Variants in INVS observed in about 807,000 individuals in gnomAD.
INVS encodes the protein inversion of embryo turning homolog.
INVS carries 86 observed loss-of-function variants against 108.8 expected under a neutral mutation model. That is an observed-to-expected ratio of 0.79 (90% confidence interval 0.66 to 0.95). The LOEUF (loss-of-function observed/expected upper bound fraction) is 0.95, where lower values mean the gene tolerates loss of function less well. Ranked by LOEUF, INVS falls within the 40% of genes least tolerant of loss-of-function variation. INVS has a pLI of 0.00. For missense variants in INVS, 1,169 were observed against 1,297.4 expected, an observed-to-expected ratio of 0.90 and a Z score of 1.52; for synonymous variants, 455 against 473.5, an observed-to-expected ratio of 0.96 and a Z score of 0.51.
chr9:100,106,346 A>G (rs773003895), intron 2 of INVS, among the ~76,000 whole-genome samples: 4 of 151,968 alleles, frequency 2.6e-5, no homozygotes, highest in Admixed American at 6.6e-5. Context: ...TCTGATTACT[A>G]TATCTTCAAC....
chr9:100,203,661 C>T lies in INVS; in HGVS notation c.274-22401C>T, dbSNP rs559434891. ...GGGATTACAGGCATGCGCCACCATG[C>T]GTGGCTAATTTTTGTATTTTTAGTA... is the stretch of plus-strand genomic sequence containing the variant. On this transcript the variant is annotated intron_variant, in intron 3 of 16. Transcript: ENST00000262457. Among the ~76,000 whole-genome samples, 12 of 152,016 alleles carry T rather than the reference C, an allele frequency of 7.9e-5. No homozygotes were observed. The South Asian group carries it at 1.0e-3, about 13-fold the overall frequency.
chr9:100,215,198 G>A (rs762368806), intron 3 of INVS, among the ~76,000 whole-genome samples: 1 of 152,178 alleles, frequency 6.6e-6, no homozygotes, highest in East Asian at 1.9e-4. Flanking sequence ...ATGAATCCAG[G>A]TGGGTAAACC....
At chr9:100,218,391 G>A (rs59168360) in intron 3 of INVS, among the ~76,000 whole-genome samples, 3,041 of 152,236 alleles carry the variant, frequency 0.02, 89 homozygotes, top group African/African-American at 0.07. Flanking sequence ...GGCCACCGTA[G>A]GCAGTTTTAG....
intron 3 of INVS, among the ~76,000 whole-genome samples, chr9:100,162,188 T>G (rs1451410928): frequency 6.6e-6 from 1 of 152,192 alleles, no homozygotes; most frequent in Admixed American, 6.5e-5. Context: ...CCTGAAATAT[T>G]TCATATTTGC....
At chr9:100,186,189 AC>A (rs1830050396) in intron 3 of INVS, among the ~76,000 whole-genome samples, 1 of 151,892 alleles carries the variant, frequency 6.6e-6, no homozygotes, top group South Asian at 2.1e-4. Context: ...TCACTCCGTC[AC>A]CCAGGCTGGA....
intron 3 of INVS, among the ~76,000 whole-genome samples, chr9:100,205,532 T>C (rs1261498735): frequency 6.6e-6 from 1 of 152,088 alleles, no homozygotes; most frequent in Non-Finnish European, 1.5e-5. Context: ...GAATTATACT[T>C]GAAACAAGAG....
intron 2 of INVS, among the ~76,000 whole-genome samples, chr9:100,118,899 G>A (rs528651887): frequency 2.0e-5 from 3 of 152,178 alleles, no homozygotes; most frequent in Non-Finnish European, 4.4e-5. Context: ...GACCTCAGGT[G>A]ATCCACCCAC....
intron 3 of INVS, among the ~76,000 whole-genome samples, chr9:100,132,281 CAAAT>C (rs1828078014): frequency 1.3e-5 from 2 of 152,012 alleles, no homozygotes; most frequent in Admixed American, 6.6e-5. Context: ...ATGTGAATAT[CAAAT>C]AGATTTAATA....
intron 3 of INVS, among the ~76,000 whole-genome samples, chr9:100,197,129 C>T (rs1830401288): frequency 6.6e-6 from 1 of 152,358 alleles, no homozygotes; most frequent in African/African-American, 2.4e-5. Flanking sequence ...GCCCCCTGAA[C>T]TTCTGACCAA....
At chr9:100,145,580 C>T (rs1828578224) in intron 3 of INVS, among the ~76,000 whole-genome samples, 1 of 151,848 alleles carries the variant, frequency 6.6e-6, no homozygotes, top group Non-Finnish European at 1.5e-5. Context: ...GGGGTTCTTG[C>T]CCCCCTGAAA....
Position 100,284,488 on chromosome 9 carries a change from A to C in INVS, c.1953A>C (p.Gln651His), listed in dbSNP as rs750899335. The change falls in exon 13 of 17, where the codon CAA becomes CAC. Residue 651 changes from glutamine (Q) to histidine (H), a missense_variant. By Grantham distance (24) the Gln-to-His change is conservative. This residue lies in a region of INVS where 533 missense variants were observed against 536.0 expected (regional missense o/e 0.99). Transcript: ENST00000262457. ...SKQPPAGNVA[Q>H]GPEPRDSRGS... ...AGCCTCCTGCTGGCAACGTGGCCCA[A>C]GGCCCTGAGCCAAGAGACAGCAGAG... 1 of 1,614,150 alleles carries C rather than the reference A, an allele frequency of 6.2e-7. No homozygotes were observed. The highest frequency in any genetic ancestry group is 8.5e-7 in the Non-Finnish European group (1 of 1,180,002).
At chr9:100,181,946 C>T (rs2119074522) in intron 3 of INVS, among the ~76,000 whole-genome samples, 1 of 152,148 alleles carries the variant, frequency 6.6e-6, no homozygotes, top group East Asian at 1.9e-4. Flanking sequence ...GAATAGAGGC[C>T]TCAGAAATAA....
At chr9:100,105,850 CTT>C (rs543070811) in intron 2 of INVS, among the ~76,000 whole-genome samples, 41 of 63,802 alleles carry the variant, frequency 6.4e-4, no homozygotes, top group African/African-American at 1.5e-3. Context: ...GAAAAATTCC[CTT>C]TTTTTTTTTT....
intron 3 of INVS, among the ~76,000 whole-genome samples, chr9:100,192,240 GA>G (rs1302362224): frequency 9.1e-5 from 12 of 132,076 alleles, no homozygotes; most frequent in Non-Finnish European, 1.8e-4. Flanking sequence ...CCATCTTGGG[GA>G]AAAAAGAGTG....
intron 3 of INVS, among the ~76,000 whole-genome samples, chr9:100,151,175 T>C (rs569663006): frequency 1.1e-4 from 16 of 152,258 alleles, no homozygotes; most frequent in Non-Finnish European, 2.1e-4. Context: ...CTAGAATTTT[T>C]GCAAAATAAC....
intron 3 of INVS, chr9:100,175,041 A>G (rs951488682): frequency 1.0e-5 from 2 of 196,260 alleles, no homozygotes; most frequent in African/African-American, 4.7e-5. Context: ...GGGAGAACTC[A>G]CTTCATCCCA....
chr9:100,140,319 T>C (rs1187821582), intron 3 of INVS, among the ~76,000 whole-genome samples: 4 of 151,882 alleles, frequency 2.6e-5, no homozygotes, highest in Non-Finnish European at 5.9e-5. Flanking sequence ...TTATAAGATT[T>C]GGGTAGGTAA....
At chr9:100,269,835 T>A (rs1832898420) in intron 11 of INVS, among the ~76,000 whole-genome samples, 1 of 152,186 alleles carries the variant, frequency 6.6e-6, no homozygotes, top group South Asian at 2.1e-4. Flanking sequence ...ATGGAGATAA[T>A]ATTTTTGATA....
chr9:100,153,881 G>A (rs903299317), intron 3 of INVS, among the ~76,000 whole-genome samples: 1 of 152,158 alleles, frequency 6.6e-6, no homozygotes. Context: ...AGCCCCAATG[G>A]CCTAATCACC....
Sources: gnomAD v4.1 joint callset for allele counts (sites outside exome capture counted in the v4.1 genomes callset) on GRCh38, gnomAD v4.1.1 for gene constraint, gnomAD v4.1.1 regional missense constraint, MANE v1.5 for transcripts, NCBI Gene and HGNC (gene_info 2026-07-23, HGNC 2026-07-21) for gene names.